GPR89B: variants seen among roughly 807,000 people sequenced by gnomAD.
GPR89B encodes golgi pH regulator B.
GPR89B carries 25 observed loss-of-function variants against 52.4 expected under a neutral mutation model. The observed-to-expected ratio is 0.48, with a 90% CI of 0.35 to 0.67. The LOEUF is 0.67. Among genes scored for constraint, GPR89B ranks in the 30% least tolerant of loss-of-function variants. GPR89B has a pLI of 0.01. For missense variants in GPR89B, 146 were observed against 450.2 expected, an observed-to-expected ratio of 0.32 and a Z score of 6.11; for synonymous variants, 52 against 151.2, an observed-to-expected ratio of 0.34 and a Z score of 4.81.
At chr1:147,928,711 A>C (rs6593828) in intron 1 of GPR89B, 133 bp downstream of exon 1, 64,870 of 1,329,980 alleles carry the variant, frequency 0.049, 3,553 homozygotes, top group African/African-American at 0.27. Flanking sequence ...ACTCTGGCAC[A>C]CAGAGAGGGT....
At chr1:147,982,673 A>G (rs1165350574) in intron 10 of GPR89B, among the ~76,000 whole-genome samples, 1 of 130,216 alleles carries the variant, frequency 7.7e-6, no homozygotes, top group Non-Finnish European at 1.6e-5. Flanking sequence ...GTTTTTTCCA[A>G]TTCTGTGAAG....
chr1:148,025,548 AAAAG>A, the GPR89B span, among the ~76,000 whole-genome samples: 1 of 146,972 alleles, frequency 6.8e-6, no homozygotes, highest in Non-Finnish European at 1.5e-5. Context: ...AAAAAAAAAA[AAAAG>A]AATCTTAGGC....
chr1:148,021,167 T>G, the GPR89B span, among the ~76,000 whole-genome samples: 1 of 151,650 alleles, frequency 6.6e-6, no homozygotes. Flanking sequence ...GGACCTTGGA[T>G]AGACCATTAG....
In GPR89B at chr1:147,991,222, C is replaced by A. The variant is rs1331168836; in HGVS notation, c.1096-1280C>A. ...TCTCTTTGAAGCAATTGTGAATGGG[C>A]GTTCACTCATGATTTGGCTCTCTGT... On this transcript the variant is annotated intron_variant, in intron 12 of 13. Coordinates refer to ENST00000314163, the MANE Select transcript of GPR89B (RefSeq NM_016334.5). 3.4e-4 allele frequency among the ~76,000 whole-genome samples: 52 copies of A among 151,752 alleles called. 1 individual carries two copies. The highest frequency in any genetic ancestry group is 2.2e-4 in the Non-Finnish European group (15 of 67,920).
chr1:148,012,900 C>T, the GPR89B span, among the ~76,000 whole-genome samples: 3 of 152,090 alleles, frequency 2.0e-5, no homozygotes, highest in Admixed American at 2.0e-4. Context: ...TAAGAATACA[C>T]TCTGCAGCAT....
At chr1:148,018,044 A>G in the GPR89B span, among the ~76,000 whole-genome samples, 156 of 147,980 alleles carry the variant, frequency 1.1e-3, 1 homozygote, top group Middle Eastern at 6.9e-3. Flanking sequence ...AAGAGAATAT[A>G]TTAACAAATC....
the GPR89B span, among the ~76,000 whole-genome samples, chr1:148,013,492 T>TA: frequency 6.6e-6 from 1 of 152,090 alleles, no homozygotes; most frequent in Non-Finnish European, 1.5e-5. Flanking sequence ...GCGGACAGAC[T>TA]AAGTGGTCAA....
At chr1:147,990,926 A>G (rs1161237669) in intron 12 of GPR89B, among the ~76,000 whole-genome samples, 2 of 151,802 alleles carry the variant, frequency 1.3e-5, no homozygotes, top group African/African-American at 4.8e-5. Flanking sequence ...TGACTTGGCA[A>G]TGCGGGCTCT....
intron 7 of GPR89B, among the ~76,000 whole-genome samples, chr1:147,959,466 A>G (rs1195030239): frequency 1.1e-4 from 16 of 152,092 alleles, no homozygotes; most frequent in Non-Finnish European, 1.0e-4. Context: ...GAGCAGAGGC[A>G]GGTAGAAATT....
intron 10 of GPR89B, among the ~76,000 whole-genome samples, chr1:147,985,372 A>G (rs1230908140): frequency 6.6e-6 from 1 of 151,790 alleles, no homozygotes; most frequent in Non-Finnish European, 1.5e-5. Context: ...TGGTTTTTTC[A>G]TAAGGAATAT....
At chr1:147,957,737 G>C (rs1656220664) in intron 7 of GPR89B, among the ~76,000 whole-genome samples, 1 of 151,888 alleles carries the variant, frequency 6.6e-6, no homozygotes, top group Non-Finnish European at 1.5e-5. Flanking sequence ...AAGACCCATA[G>C]TCAAGTTAAA....
chr1:148,025,613 T>A, the GPR89B span, among the ~76,000 whole-genome samples: 1 of 148,224 alleles, frequency 6.7e-6, no homozygotes, highest in South Asian at 2.2e-4. Flanking sequence ...CCTGAATTTA[T>A]ATGTTGAAAG....
At chr1:148,017,521 T>C in the GPR89B span, among the ~76,000 whole-genome samples, 438 of 149,138 alleles carry the variant, frequency 2.9e-3, 8 homozygotes, top group African/African-American at 0.01. Context: ...GATCACGAGG[T>C]CAGGAGATCG....
At chr1:148,002,129 T>C in the GPR89B span, among the ~76,000 whole-genome samples, 1 of 151,278 alleles carries the variant, frequency 6.6e-6, no homozygotes, top group Non-Finnish European at 1.5e-5. Context: ...ATCTCTCAAC[T>C]GTAATGTATT....
At chr1:148,005,903 C>T in the GPR89B span, among the ~76,000 whole-genome samples, 1 of 152,068 alleles carries the variant, frequency 6.6e-6, no homozygotes, top group African/African-American at 2.4e-5. Flanking sequence ...CTGCCTTGTC[C>T]TTTGGTTTCT....
At chr1:147,970,288 G>A (rs1657319392) in intron 10 of GPR89B, among the ~76,000 whole-genome samples, 2 of 151,986 alleles carry the variant, frequency 1.3e-5, no homozygotes, top group African/African-American at 2.4e-5. Context: ...CTGAGGTCAG[G>A]AATTCGAGAA....
intron 5 of GPR89B, among the ~76,000 whole-genome samples, chr1:147,946,915 C>G (rs1435846376): frequency 6.6e-6 from 1 of 150,928 alleles, no homozygotes; most frequent in Admixed American, 6.6e-5. Context: ...ATTTAACCCT[C>G]TAAGATAAGT....
chr1:147,961,494 A>C (rs1656562762), intron 7 of GPR89B, among the ~76,000 whole-genome samples: 1 of 152,280 alleles, frequency 6.6e-6, no homozygotes, highest in Non-Finnish European at 1.5e-5. Flanking sequence ...AACATTGTAG[A>C]ATACCAAATG....
At chr1:147,999,878 C>T in the GPR89B span, among the ~76,000 whole-genome samples, 1 of 152,166 alleles carries the variant, frequency 6.6e-6, no homozygotes, top group Non-Finnish European at 1.5e-5. Flanking sequence ...GTAGCTACTA[C>T]CCCTCTCTTA....
Sources: allele counts gnomAD v4.1 joint callset (sites outside exome capture counted in the v4.1 genomes callset), GRCh38; gene constraint gnomAD v4.1.1; transcripts MANE v1.5; gene names NCBI Gene and HGNC (gene_info 2026-07-23, HGNC 2026-07-21).